Variants in WDR83 observed in about 807,000 individuals in gnomAD.
The protein encoded by WDR83 is WD repeat domain-containing protein 83.
In WDR83, 37 loss-of-function variants were observed where a neutral mutation model predicts 37.7. The observed-to-expected ratio is 0.98, with a 90% CI of 0.76 to 1.29. The LOEUF (loss-of-function observed/expected upper bound fraction) is 1.29, where lower values mean the gene tolerates loss of function less well. WDR83 is among the 50% of genes most tolerant of loss of function. WDR83 has a pLI of 0.00. For synonymous variants in WDR83, 174 were observed against 181.1 expected (o/e 0.96, Z 0.31); for missense variants, 445 against 414.4 (o/e 1.07, Z -0.64).
Position 12,670,040 on chromosome 19 carries a change from G to A in WDR83, c.167G>A (p.Arg56Gln), listed in dbSNP as rs2024364766. 6.2e-7 allele frequency: 1 copy of A among 1,613,142 alleles called. No homozygotes were observed. Among genetic ancestry groups the A allele is most frequent in the African/African-American group, 1.3e-5 (1 of 75,056 alleles). ...ACGCTGAAGCTGTGGAACCCGCTTCGGGGGACGCTGCTGCGGACGTACAGC... is the reference window on the plus strand; with the variant it reads ...ACGCTGAAGCTGTGGAACCCGCTTCAGGGGACGCTGCTGCGGACGTACAGC... The part of the protein sequence containing the change: ...DKTLKLWNPL[R>Q]GTLLRTYSGH... The change falls in exon 4 of 11, where the codon CGG becomes CAG. Residue 56 changes from arginine (R) to glutamine (Q), a missense_variant. Physicochemically the swap from Arg to Gln is conservative, Grantham distance 43. Coordinates refer to ENST00000418543, the MANE Select transcript of WDR83 (RefSeq NM_001099737.3).
rs2024550986 is a variant in WDR83 at position 12,675,583 on chromosome 19, C to A, written c.859C>A (p.Pro287Thr). 5 of 1,605,778 alleles carry A rather than the reference C, an allele frequency of 3.1e-6. No homozygotes were observed. The highest frequency in any genetic ancestry group is 4.2e-6 in the Non-Finnish European group (5 of 1,179,970). The change falls in exon 11 of 11, where the codon CCA becomes ACA. Residue 287 changes from proline to threonine, a missense_variant. By Grantham distance (38) the Pro-to-Thr change is conservative (BLOSUM62 -1). Transcript: ENST00000418543. ...SGVVQSLAYHPTEPCLLTAMG... is the reference protein window; with the variant it reads ...SGVVQSLAYHTTEPCLLTAMG... The stretch of plus-strand genomic sequence containing the variant: ...TGTGGTGCAGTCGCTGGCCTACCAC[C>A]CAACAGAGCCCTGCCTGCTGACCGC...
chr19:12,670,270 C>T lies in WDR83; in HGVS notation c.315C>T (p.Phe105=), dbSNP rs2024373285. ...CATCAGGGCAGGTCGTGCGCAAATT[C>T]CGGGGCCACGCAGGGGTGAGTGAAA... ...DVASGQVVRK[F]RGHAGKVNTV... Residue 105 remains phenylalanine, a synonymous_variant, in exon 5 of 11, where the codon TTC becomes TTT. Transcript: ENST00000418543. 4 of 1,614,036 alleles carry T rather than the reference C, an allele frequency of 2.5e-6. No homozygotes were observed. The highest frequency in any genetic ancestry group is 1.3e-5 in the African/African-American group (1 of 75,008).
At position 12,666,988 on chromosome 19, in the gene WDR83, T is replaced by A; in HGVS notation, c.-161T>A. ...AATTCCAAGACGGAATGCCTCTTAA[T>A]GCCGGTAGGAGCAGAAGTGCTTTTC... On this transcript the variant is annotated 5_prime_UTR_variant, in exon 1 of 11. It removes an upstream start codon present in the reference 5' UTR. Transcript: ENST00000418543. 1.9e-6 allele frequency: 1 copy of A among 526,502 alleles called. No individual in the cohort carries two copies. The highest frequency in any genetic ancestry group is 3.4e-6 in the Non-Finnish European group (1 of 295,912). 32.6% of individuals were successfully genotyped at this position (526,502 alleles called of 1,614,324 possible). A position where few individuals can be genotyped will look rare whatever the true frequency, so the allele number is the denominator to read the frequency against.
At position 12,670,749 on chromosome 19, in the gene WDR83, C is replaced by T. The variant is rs758018232; in HGVS notation, c.434C>T (p.Pro145Leu). ...GATTGCCGCTCACGGAGGCCTGAGC[C>T]AGTGCAGACGCTGGATGAGGCCAGA... ...CWDCRSRRPE[P>L]VQTLDEARDG... The change falls in exon 7 of 11, where the codon CCA (proline) becomes CTA (leucine). Residue 145 changes from proline to leucine, a missense_variant. Transcript: ENST00000418543. 4 of 1,614,170 alleles carry T rather than the reference C, an allele frequency of 2.5e-6. No homozygotes were observed. In the East Asian group the frequency reaches 6.7e-5, roughly 27 times the overall value.
intron 10 of WDR83, among the ~76,000 whole-genome samples, chr19:12,674,342 A>G (rs2024508540): frequency 6.6e-6 from 1 of 152,158 alleles, no homozygotes; most frequent in South Asian, 2.1e-4. Flanking sequence ...CCAGAAACAG[A>G]CCATCCTGGT....
At chr19:12,672,986 AC>A in intron 8 of WDR83, 21 bp from the exon 9 acceptor site, 2 of 1,607,086 alleles carry the variant, frequency 1.2e-6, no homozygotes. Context: ...ACCCTCACTC[AC>A]CTACCCACCC....
rs752327036 is a variant in WDR83 at position 12,669,866 on chromosome 19, G to T, written c.76G>T (p.Gly26Trp). 7 of 1,611,568 alleles carry T rather than the reference G, an allele frequency of 4.3e-6. No individual in the cohort carries two copies. The African/African-American group carries it at 9.3e-5, about 22-fold the overall frequency. Residue 26 changes from glycine to tryptophan, a missense_variant, in exon 3 of 11, where the codon GGG (glycine) becomes TGG (tryptophan). By Grantham distance (184) the Gly-to-Trp change is radical (BLOSUM62 -2). Coordinates refer to ENST00000418543, the MANE Select transcript of WDR83 (RefSeq NM_001099737.3). ...KRLKTLDCGQ[G>W]AVRAVRFNVD... Reference sequence around the variant, plus strand: ...GTTGAAGACGCTGGACTGCGGGCAGGGGGCAGTGCGAGCCGTACGATTTAA... The same window carrying T: ...GTTGAAGACGCTGGACTGCGGGCAGTGGGCAGTGCGAGCCGTACGATTTAA...
In WDR83 at chr19:12,670,622, GGCC is replaced by G. The variant is rs1443670721; in HGVS notation, c.379+12_379+14del. 6.2e-7 allele frequency: 1 copy of G among 1,614,100 alleles called. No homozygotes were observed. Among genetic ancestry groups the G allele is most frequent in the Non-Finnish European group, 8.5e-7 (1 of 1,180,052 alleles). ...CAGTTATCCTGTCCGGTGAGTCTGG[GGCC>G]TAAGCACGGGGGCCCAGGGTGCTGC... is the stretch of plus-strand genomic sequence containing the variant. On this transcript the variant is annotated intron_variant, in intron 6 of 10. Coordinates refer to ENST00000418543, the MANE Select transcript of WDR83 (RefSeq NM_001099737.3).
chr19:12,669,030 C>A, intron 2 of WDR83: 1 of 1,265,036 alleles, frequency 7.9e-7, no homozygotes, highest in Non-Finnish European at 1.1e-6. Context: ...CAGGTCCCGC[C>A]CCATCAGCAA....
Position 12,675,621 on chromosome 19 carries a change from C to A in WDR83, c.897C>A (p.Ser299Arg). 6.2e-7 allele frequency: 1 copy of A among 1,603,490 alleles called. No homozygotes were observed. Among genetic ancestry groups the A allele is most frequent in the African/African-American group, 1.3e-5 (1 of 75,016 alleles). Reference protein sequence around the residue: ...EPCLLTAMGGSVQCWREEAYE... With the variant: ...EPCLLTAMGGRVQCWREEAYE... The stretch of plus-strand genomic sequence containing the variant: ...GCCTGCTGACCGCCATGGGAGGCAG[C>A]GTCCAGTGCTGGCGAGAGGAGGCCT... The change falls in exon 11 of 11, where the codon AGC becomes AGA. Residue 299 changes from serine to arginine, a missense_variant. Ser to Arg is a moderately radical substitution (Grantham distance 110). Coordinates refer to ENST00000418543, the MANE Select transcript of WDR83 (RefSeq NM_001099737.3).
chr19:12,669,476 A>C (rs1375210225), intron 2 of WDR83: 8 of 1,534,396 alleles, frequency 5.2e-6, no homozygotes, highest in Non-Finnish European at 7.1e-6. Context: ...CTGAGGGCGG[A>C]TTTTAGAGTA....
At chr19:12,674,225 A>G (rs1195232001) in intron 10 of WDR83, among the ~76,000 whole-genome samples, 1 of 152,214 alleles carries the variant, frequency 6.6e-6, no homozygotes, top group African/African-American at 2.4e-5. Context: ...TGGGTGAGAT[A>G]GGGCTGCAGT....
At chr19:12,669,666 G>C in intron 2 of WDR83, 89 bp from the exon 3 acceptor site, 3 of 1,102,330 alleles carry the variant, frequency 2.7e-6, no homozygotes, top group Non-Finnish European at 2.6e-6. Context: ...TGATGAACCC[G>C]GAAGTGATAA....
chr19:12,669,721 C>T (rs1599366298), intron 2 of WDR83, 34 bp from the exon 3 acceptor site: 5 of 1,439,902 alleles, frequency 3.5e-6, no homozygotes, highest in Non-Finnish European at 4.7e-6. Context: ...TACACCCAAG[C>T]GTGGGTTTCT....
Position 12,670,716 on chromosome 19 carries a change from G to A in WDR83, c.401G>A (p.Arg134His). Residue 134 changes from arginine to histidine, a missense_variant, in exon 7 of 11, where the codon CGC becomes CAC. By Grantham distance (29) the Arg-to-His change is conservative. Coordinates refer to ENST00000418543, the MANE Select transcript of WDR83 (RefSeq NM_001099737.3). ...ILSGSIDSSI[R>H]CWDCRSRRPE... ...ACAGGCTCTATTGATTCCAGTATCC[G>A]CTGTTGGGATTGCCGCTCACGGAGG... 1 of 1,614,172 alleles carries A rather than the reference G, an allele frequency of 6.2e-7. No individual in the cohort carries two copies. Among genetic ancestry groups the A allele is most frequent in the Non-Finnish European group, 8.5e-7 (1 of 1,180,022 alleles).
Position 12,675,801 on chromosome 19 carries a change from A to G in WDR83, c.*129A>G, listed in dbSNP as rs1322437375. On this transcript the variant is annotated 3_prime_UTR_variant, in exon 11 of 11. Coordinates refer to ENST00000418543, the MANE Select transcript of WDR83 (RefSeq NM_001099737.3). ...GGGCTGGGTCTGCAAATTAATAAAT[A>G]GAAGAGGGGGTAAGACCTTCCTGGG... 4 of 1,570,178 alleles carry G rather than the reference A, an allele frequency of 2.5e-6. No individual in the cohort carries two copies. The highest frequency in any genetic ancestry group is 1.4e-5 in the African/African-American group (1 of 73,410).
intron 2 of WDR83, chr19:12,669,336 C>T (rs370970851): frequency 2.7e-5 from 43 of 1,605,092 alleles, no homozygotes; most frequent in Non-Finnish European, 3.4e-5. Flanking sequence ...CCCGTGCCCA[C>T]GACGCTGGGG....
chr19:12,669,869 G>A lies in WDR83; in HGVS notation c.79G>A (p.Ala27Thr). 6.2e-7 allele frequency: 1 copy of A among 1,611,504 alleles called. No homozygotes were observed. The highest frequency in any genetic ancestry group is 8.5e-7 in the Non-Finnish European group (1 of 1,178,580). ...GAAGACGCTGGACTGCGGGCAGGGGGCAGTGCGAGCCGTACGATTTAATGG... is the reference window on the plus strand; with the variant it reads ...GAAGACGCTGGACTGCGGGCAGGGGACAGTGCGAGCCGTACGATTTAATGG... ...RLKTLDCGQG[A>T]VRAVRFNVDG... The change falls in exon 3 of 11, where the codon GCA (alanine) becomes ACA (threonine). Residue 27 changes from alanine (A) to threonine (T), a missense_variant. Coordinates refer to ENST00000418543, the MANE Select transcript of WDR83 (RefSeq NM_001099737.3).
At chr19:12,670,864 G>T (rs774069420) in intron 7 of WDR83, 43 bp downstream of exon 7, 56 of 1,591,094 alleles carry the variant, frequency 3.5e-5, no homozygotes, top group Non-Finnish European at 4.3e-5. Flanking sequence ...GTGCTACGGG[G>T]AATCATAGCT....
Sources: allele counts gnomAD v4.1 joint callset (sites outside exome capture counted in the v4.1 genomes callset), GRCh38; gene constraint gnomAD v4.1.1; transcripts MANE v1.5; gene names NCBI Gene and HGNC (gene_info 2026-07-23, HGNC 2026-07-21).